Variants in ELP3 observed in about 807,000 individuals in gnomAD.
ELP3 encodes elongator acetyltransferase complex subunit 3.
ELP3 carries 56 observed loss-of-function variants against 74.9 expected under a neutral mutation model. That is an observed-to-expected ratio of 0.75 (90% confidence interval 0.60 to 0.93). The LOEUF (loss-of-function observed/expected upper bound fraction) is 0.93, where lower values mean the gene tolerates loss of function less well. ELP3 is among the 40% of genes least tolerant of loss of function. ELP3 has a pLI of 0.00. For synonymous variants in ELP3, 222 were observed against 239.8 expected, an observed-to-expected ratio of 0.93 and a Z score of 0.68; for missense variants, 573 against 686.5, an observed-to-expected ratio of 0.83 and a Z score of 1.85.
intron 7 of ELP3, among the ~76,000 whole-genome samples, chr8:28,125,144 A>G (rs1022578483): frequency 1.3e-5 from 2 of 152,230 alleles, no homozygotes; most frequent in Admixed American, 6.5e-5. Flanking sequence ...AGTTACACCA[A>G]TAACTCAAGG....
upstream of ELP3, among the ~76,000 whole-genome samples, chr8:28,090,619 T>G (rs1488662293): frequency 6.6e-6 from 1 of 152,042 alleles, no homozygotes; most frequent in Non-Finnish European, 1.5e-5. Context: ...AAAGGTATTG[T>G]GTATGTGTCT....
At chr8:28,109,459 T>G (rs919144768) in intron 5 of ELP3, among the ~76,000 whole-genome samples, 2 of 152,118 alleles carry the variant, frequency 1.3e-5, no homozygotes, top group Non-Finnish European at 2.9e-5. Flanking sequence ...TACCAGTTAG[T>G]GTTGTTTGTT....
chr8:28,120,092 T>A (rs1489436008), intron 7 of ELP3, among the ~76,000 whole-genome samples: 1 of 152,220 alleles, frequency 6.6e-6, no homozygotes, highest in Non-Finnish European at 1.5e-5. Context: ...CTATATGTAT[T>A]TATTTCTCTT....
chr8:28,115,586 ATAGT>A (rs1358409969), intron 7 of ELP3, among the ~76,000 whole-genome samples: 1 of 152,186 alleles, frequency 6.6e-6, no homozygotes, highest in Non-Finnish European at 1.5e-5. Flanking sequence ...TTTAGTACTC[ATAGT>A]TAGCCTTTGA....
chr8:28,113,017 A>C lies in ELP3; in HGVS notation c.463-2A>C, dbSNP rs780764143. ...TCTAATGCTGATGAATTTGTCTTTC[A>C]GTTAAAACAACTTGGTCATAGTGTG... On this transcript the variant is annotated splice_acceptor_variant, in intron 6 of 14. Transcript: ENST00000256398. LOFTEE classifies it high-confidence loss of function. The C allele has an allele frequency of 1.2e-6, 2 of 1,611,986 alleles. No individual in the cohort carries two copies. The highest frequency in any genetic ancestry group is 2.2e-5 in the South Asian group (2 of 90,614).
Position 28,138,540 on chromosome 8 carries a change from A to G in ELP3, c.1100+649A>G, listed in dbSNP as rs974048853. ...TATACCTACAATCCTAACAAAGCCA[A>G]TTCCCACACACACATTCCCACCACC... On this transcript the variant is annotated intron_variant, in intron 10 of 14. Coordinates refer to ENST00000256398, the MANE Select transcript of ELP3 (RefSeq NM_018091.6). Among the ~76,000 whole-genome samples the G allele has an allele frequency of 3.3e-5, 5 of 152,176 alleles. No individual in the cohort carries two copies. In the East Asian group the frequency reaches 7.7e-4, roughly 23 times the overall value.
intron 11 of ELP3, among the ~76,000 whole-genome samples, chr8:28,156,436 C>G (rs756613040): frequency 6.6e-6 from 1 of 152,148 alleles, no homozygotes; most frequent in Non-Finnish European, 1.5e-5. Flanking sequence ...CCCACATATA[C>G]CAGTCTCCTA....
intron 5 of ELP3, among the ~76,000 whole-genome samples, chr8:28,110,077 G>C (rs1563251540): frequency 6.6e-6 from 1 of 152,190 alleles, no homozygotes; most frequent in Non-Finnish European, 1.5e-5. Context: ...ATCTATGTCT[G>C]TGAGCAGAAC....
At chr8:28,141,562 A>G (rs1053377578) in intron 10 of ELP3, among the ~76,000 whole-genome samples, 3 of 152,162 alleles carry the variant, frequency 2.0e-5, no homozygotes, top group Non-Finnish European at 2.9e-5. Flanking sequence ...TAACTTCCTC[A>G]TTTTGATGGT....
In ELP3 at chr8:28,190,755, C is replaced by T. The variant is rs372939806; in HGVS notation, c.*1030C>T. The T allele has an allele frequency of 2.2e-4, 33 of 152,134 alleles. No individual in the cohort carries two copies. The highest frequency in any genetic ancestry group is 8.0e-4 in the African/African-American group (33 of 41,446). 9.4% of individuals were successfully genotyped at this position (152,134 alleles called of 1,614,324 possible). A position where few individuals can be genotyped will look rare whatever the true frequency, so the allele number is the denominator to read the frequency against. On this transcript the variant is annotated 3_prime_UTR_variant, in exon 15 of 15. Coordinates refer to ENST00000256398, the MANE Select transcript of ELP3 (RefSeq NM_018091.6). ...GTATTTTTAGTAGAGATGGGGGTTTCACCATATTGGTCAGGCTGGTCTCGA... is the reference window on the plus strand; with the variant it reads ...GTATTTTTAGTAGAGATGGGGGTTTTACCATATTGGTCAGGCTGGTCTCGA...
intron 3 of ELP3, among the ~76,000 whole-genome samples, chr8:28,102,112 A>G (rs1399843545): frequency 6.6e-6 from 1 of 152,112 alleles, no homozygotes; most frequent in African/African-American, 2.4e-5. Flanking sequence ...GGTATTTTAC[A>G]TGCTTTCTTT....
At chr8:28,150,227 C>G (rs1473366960) in intron 10 of ELP3, among the ~76,000 whole-genome samples, 1 of 152,058 alleles carries the variant, frequency 6.6e-6, no homozygotes, top group Non-Finnish European at 1.5e-5. Context: ...TACATTGTTG[C>G]TATTGAACAA....
chr8:28,095,182 A>G (rs1811205263), intron 1 of ELP3, among the ~76,000 whole-genome samples: 2 of 152,144 alleles, frequency 1.3e-5, no homozygotes, highest in Non-Finnish European at 2.9e-5. Context: ...GCATGTCCAA[A>G]TCTTGCCCTA....
chr8:28,181,268 C>A (rs1815001280), intron 14 of ELP3, among the ~76,000 whole-genome samples: 1 of 152,222 alleles, frequency 6.6e-6, no homozygotes, highest in African/African-American at 2.4e-5. Context: ...CACGACTCTT[C>A]TGCCCTGCCT....
chr8:28,107,204 C>T (rs1217059366), intron 4 of ELP3, among the ~76,000 whole-genome samples: 2 of 152,142 alleles, frequency 1.3e-5, no homozygotes, highest in East Asian at 3.8e-4. Context: ...GCCGAGATCA[C>T]GCCACTGCAC....
In ELP3 at chr8:28,133,030, A is replaced by G. The variant is rs116068360; in HGVS notation, c.906+626A>G. On this transcript the variant is annotated intron_variant, in intron 9 of 14. Coordinates refer to ENST00000256398, the MANE Select transcript of ELP3 (RefSeq NM_018091.6). ...AGTTGCTTTGCAGAGAGTTATAACA[A>G]TTTATACTCATTTCAGCAGAGTTTT... Among the ~76,000 whole-genome samples the G allele has an allele frequency of 6.9e-3, 1,052 of 152,210 alleles. 8 individuals carry two copies. Among genetic ancestry groups the G allele is most frequent in the African/African-American group, 0.024 (990 of 41,570 alleles).
intron 3 of ELP3, among the ~76,000 whole-genome samples, chr8:28,103,531 C>T (rs193266217): frequency 2.6e-5 from 4 of 152,306 alleles, no homozygotes; most frequent in Admixed American, 2.0e-4. Context: ...ATTGTGTCCA[C>T]CTACATTTTC....
At chr8:28,110,670 T>G (rs1811882717) in intron 6 of ELP3, 1 of 387,486 alleles carries the variant, frequency 2.6e-6, no homozygotes, top group African/African-American at 2.1e-5. Flanking sequence ...ATTCTCTAAG[T>G]TTTTTTGAAT....
At chr8:28,180,390 C>T (rs1352371560) in intron 14 of ELP3, among the ~76,000 whole-genome samples, 1 of 152,230 alleles carries the variant, frequency 6.6e-6, no homozygotes, top group Non-Finnish European at 1.5e-5. Flanking sequence ...GTCTGATCTG[C>T]TAGACCCATC....
Sources: gnomAD v4.1 joint callset for allele counts (sites outside exome capture counted in the v4.1 genomes callset) on GRCh38, gnomAD v4.1.1 for gene constraint, MANE v1.5 for transcripts, NCBI Gene and HGNC (gene_info 2026-07-23, HGNC 2026-07-21) for gene names.